The following RAB18 variants were observed in gnomAD, a reference collection of about 807,000 sequenced individuals.
The protein encoded by RAB18 is RAB18, member RAS oncogene family.
RAB18 carries 10 observed loss-of-function variants against 28.5 expected under a neutral mutation model. The ratio of observed to expected loss-of-function variants is 0.35; its 90% CI spans 0.22 to 0.60. The LOEUF (loss-of-function observed/expected upper bound fraction) is 0.60, where lower values mean the gene tolerates loss of function less well. RAB18 is among the 20% of genes least tolerant of loss of function. RAB18 has a pLI of 0.78. For synonymous variants in RAB18, 93 were observed against 86.9 expected (o/e 1.07, Z -0.39); for missense variants, 188 against 244.2 (o/e 0.77, Z 1.53).
At position 27,540,957 on chromosome 10, in the gene RAB18, C is replaced by A. The variant is rs1564841500; in HGVS notation, c.*2906C>A. 2.2e-6 allele frequency: 1 copy of A among 453,988 alleles called. No individual in the cohort carries two copies. Among genetic ancestry groups the A allele is most frequent in the Non-Finnish European group, 4.4e-6 (1 of 226,754 alleles). The allele number at this position is 453,988 out of a possible 1,614,324, so 28.1% of individuals were successfully genotyped here. A position where few individuals can be genotyped will look rare whatever the true frequency, so the allele number is the denominator to read the frequency against. ...CTGCCTGTGAGTTGGCACAGACTTA[C>A]CTAATAACCATAGTGTCTTTAAGTA... is the stretch of plus-strand genomic sequence containing the variant. On this transcript the variant is annotated 3_prime_UTR_variant, in exon 7 of 7. Coordinates refer to ENST00000356940, the MANE Select transcript of RAB18 (RefSeq NM_021252.5).
intron 2 of RAB18, among the ~76,000 whole-genome samples, chr10:27,513,339 CAT>C (rs1471499955): frequency 6.6e-6 from 1 of 151,984 alleles, no homozygotes; most frequent in Non-Finnish European, 1.5e-5. Context: ...CCAGCCCACA[CAT>C]GAGTTTTAAA....
At position 27,533,950 on chromosome 10, in the gene RAB18, A is replaced by C; in HGVS notation, c.401A>C (p.Asn134Thr). 1 of 1,609,750 alleles carries C rather than the reference A, an allele frequency of 6.2e-7. No homozygotes were observed. The highest frequency in any genetic ancestry group is 1.3e-5 in the African/African-American group (1 of 74,942). ...IDKENREVDR[N>T]EGLKFARKHS... Reference sequence around the variant, plus strand: ...TAGGAAAATCGTGAAGTCGATAGAAATGAAGGCCTGAAATTTGCACGAAAG... The same window carrying C: ...TAGGAAAATCGTGAAGTCGATAGAACTGAAGGCCTGAAATTTGCACGAAAG... The change falls in exon 6 of 7, where the codon AAT becomes ACT. Residue 134 changes from asparagine (N) to threonine (T), a missense_variant. By Grantham distance (65) the Asn-to-Thr change is moderately conservative. Coordinates refer to ENST00000356940, the MANE Select transcript of RAB18 (RefSeq NM_021252.5).
At chr10:27,537,753 A>T (rs1042559216) in intron 6 of RAB18, 123 bp from the exon 7 acceptor site, 19 of 798,190 alleles carry the variant, frequency 2.4e-5, no homozygotes, top group Non-Finnish European at 3.0e-5. Context: ...TTGGGGAAAA[A>T]TTGCTGATTT....
At chr10:27,517,318 G>C (rs1834455906) in intron 2 of RAB18, among the ~76,000 whole-genome samples, 1 of 152,014 alleles carries the variant, frequency 6.6e-6, no homozygotes, top group Non-Finnish European at 1.5e-5. Context: ...AGCCGAGATT[G>C]TGCCACTGCA....
chr10:27,519,208 A>G (rs1278049551), intron 2 of RAB18, among the ~76,000 whole-genome samples: 1 of 152,238 alleles, frequency 6.6e-6, no homozygotes, highest in East Asian at 1.9e-4. Context: ...TCACGTAATC[A>G]TCTCAATAGA....
chr10:27,537,319 G>A (rs192632950), intron 6 of RAB18, among the ~76,000 whole-genome samples: 11 of 152,270 alleles, frequency 7.2e-5, no homozygotes, highest in Non-Finnish European at 1.5e-4. Context: ...CATCTCAGAC[G>A]GTGAGAAAGA....
intron 6 of RAB18, among the ~76,000 whole-genome samples, chr10:27,535,971 T>A (rs1002778286): frequency 1.3e-5 from 2 of 151,986 alleles, no homozygotes; most frequent in East Asian, 3.9e-4. Flanking sequence ...TAGTCCCAGC[T>A]ACTTGGGAGG....
chr10:27,525,281 C>T (rs1222439546), intron 2 of RAB18, among the ~76,000 whole-genome samples: 1 of 152,132 alleles, frequency 6.6e-6, no homozygotes, highest in Non-Finnish European at 1.5e-5. Flanking sequence ...TCTTTATATA[C>T]TCCCTGAAAA....
chr10:27,516,609 A>C (rs115684828), intron 2 of RAB18, among the ~76,000 whole-genome samples: 13 of 152,004 alleles, frequency 8.6e-5, no homozygotes, highest in African/African-American at 1.2e-4. Context: ...ACCTTAGTCT[A>C]TATTCCTTAG....
intron 2 of RAB18, among the ~76,000 whole-genome samples, chr10:27,526,362 C>T (rs766816264): frequency 3.3e-5 from 5 of 151,906 alleles, no homozygotes; most frequent in Middle Eastern, 6.8e-3. Flanking sequence ...ATATTTTTAC[C>T]GGTTCCCCAA....
intron 4 of RAB18, among the ~76,000 whole-genome samples, chr10:27,532,922 C>T (rs183916436): frequency 3.9e-5 from 6 of 152,006 alleles, no homozygotes; most frequent in East Asian, 3.9e-4. Flanking sequence ...TTATAAAGGA[C>T]GAAAAGTATT....
intron 1 of RAB18, among the ~76,000 whole-genome samples, chr10:27,506,260 A>G (rs1837833140): frequency 1.3e-5 from 2 of 152,100 alleles, no homozygotes; most frequent in Admixed American, 1.3e-4. Context: ...ATGGATGACA[A>G]GTTAGGGTAT....
At chr10:27,518,798 C>T (rs922673738) in intron 2 of RAB18, among the ~76,000 whole-genome samples, 2 of 151,828 alleles carry the variant, frequency 1.3e-5, no homozygotes, top group Non-Finnish European at 2.9e-5. Flanking sequence ...TTAATTTTTC[C>T]GTTTATGGAT....
At chr10:27,504,615 AC>A (rs1338763145) in intron 1 of RAB18, 178 bp downstream of exon 1, 2 of 785,294 alleles carry the variant, frequency 2.5e-6, no homozygotes, top group Non-Finnish European at 4.5e-6. Flanking sequence ...TCCTCTCCCC[AC>A]CCGCGCCTGC....
intron 2 of RAB18, among the ~76,000 whole-genome samples, chr10:27,525,431 T>TTG (rs1834652783): frequency 1.3e-5 from 2 of 151,966 alleles, no homozygotes; most frequent in African/African-American, 4.8e-5. Context: ...GCTTTGCTTT[T>TTG]TTTTTTTTAA....
intron 2 of RAB18, among the ~76,000 whole-genome samples, chr10:27,522,461 C>A (rs939013418): frequency 2.0e-5 from 3 of 152,138 alleles, no homozygotes; most frequent in African/African-American, 7.2e-5. Context: ...AAAAGTGAAT[C>A]TCTGATAGAA....
At chr10:27,511,360 G>A (rs547912521) in intron 2 of RAB18, among the ~76,000 whole-genome samples, 187 of 152,118 alleles carry the variant, frequency 1.2e-3, no homozygotes, top group South Asian at 2.3e-3. Flanking sequence ...ATGCCACTGC[G>A]CCTGGCTAAT....
chr10:27,534,245 A>G lies in RAB18; in HGVS notation c.445+251A>G, dbSNP rs531896493. On this transcript the variant is annotated intron_variant, in intron 6 of 6. Transcript: ENST00000356940. ...CTCACAGGATATAGTGGCATTCAGTAAAGTTTGGCACCCAGTGCTAAAGTT... is the reference window on the plus strand; with the variant it reads ...CTCACAGGATATAGTGGCATTCAGTGAAGTTTGGCACCCAGTGCTAAAGTT... 8.5e-5 allele frequency among the ~76,000 whole-genome samples: 13 copies of G among 152,360 alleles called. No individual in the cohort carries two copies. The South Asian group carries it at 2.7e-3, about 32-fold the overall frequency.
At chr10:27,534,111 T>C in intron 6 of RAB18, 117 bp downstream of exon 6, 3 of 963,308 alleles carry the variant, frequency 3.1e-6, no homozygotes, top group Non-Finnish European at 3.3e-6. Context: ...TTGTTCCTAG[T>C]TGCCTTGTGT....
Sources: gnomAD v4.1 joint callset for allele counts (sites outside exome capture counted in the v4.1 genomes callset) on GRCh38, gnomAD v4.1.1 for gene constraint, MANE v1.5 for transcripts, NCBI Gene and HGNC (gene_info 2026-07-23, HGNC 2026-07-21) for gene names.